KALRN: variants seen among roughly 807,000 people sequenced by gnomAD.
KALRN encodes the protein kalirin.
In KALRN, 70 loss-of-function variants were observed where a neutral mutation model predicts 353.7. The ratio of observed to expected loss-of-function variants is 0.20; its 90% CI spans 0.16 to 0.24. The LOEUF is 0.24. Among genes scored for constraint, KALRN ranks in the 10% least tolerant of loss-of-function variants. The probability of loss-of-function intolerance (pLI) is 1.00; values close to 1 mark genes in which losing one functional copy is unlikely to be tolerated. For missense variants in KALRN, 2,791 were observed against 3,756.7 expected (o/e 0.74, Z 6.72); for synonymous variants, 1,391 against 1,434.8 (o/e 0.97, Z 0.69).
intron 1 of KALRN, chr3:124,163,580 G>A: frequency 1.0e-6 from 1 of 984,478 alleles, no homozygotes; most frequent in Non-Finnish European, 1.2e-6. Flanking sequence ...ATGTTTTGCT[G>A]GACACATAAT....
intron 3 of KALRN, 43 bp downstream of exon 3, chr3:124,234,986 CT>C: frequency 7.0e-7 from 1 of 1,430,902 alleles, no homozygotes; most frequent in Non-Finnish European, 9.7e-7. Context: ...GGGAGGGGAG[CT>C]GGGCTGATGC....
intron 51 of KALRN, among the ~76,000 whole-genome samples, chr3:124,686,162 T>A (rs2061548656): frequency 6.6e-6 from 1 of 152,216 alleles, no homozygotes; most frequent in Non-Finnish European, 1.5e-5. Context: ...ACAGTCATGG[T>A]GAGGGACTGA....
intron 50 of KALRN, 63 bp from the exon 51 acceptor site, chr3:124,679,395 C>A: frequency 7.0e-7 from 1 of 1,435,208 alleles, no homozygotes; most frequent in Non-Finnish European, 9.7e-7. Flanking sequence ...CTCTCTCTAG[C>A]AAAAGCTACT....
chr3:124,487,669 A>G (rs2062709288), intron 28 of KALRN, among the ~76,000 whole-genome samples: 1 of 152,252 alleles, frequency 6.6e-6, no homozygotes, highest in Non-Finnish European at 1.5e-5. Flanking sequence ...CTGGGATGTC[A>G]TAAGCCTATT....
chr3:124,603,555 T>C (rs1200530556), intron 34 of KALRN, among the ~76,000 whole-genome samples: 3 of 152,282 alleles, frequency 2.0e-5, no homozygotes, highest in East Asian at 3.9e-4. Context: ...GTCATGCCAA[T>C]ATGCAGGTGT....
chr3:124,537,532 G>A (rs901533045), intron 33 of KALRN, among the ~76,000 whole-genome samples: 3 of 152,186 alleles, frequency 2.0e-5, no homozygotes, highest in African/African-American at 7.2e-5. Flanking sequence ...TTATGGAGGC[G>A]ATTCGTGAAT....
rs532412524 is a variant in KALRN at position 124,126,497 on chromosome 3, C to T, written c.73+92684C>T. ...GTTTGTGTGTGGTCTCAGGACATCC[C>T]CTGGCCACTCTTCTCCTTTGGGGTG... On this transcript the variant is annotated intron_variant, in intron 1 of 59. Coordinates refer to ENST00000682506, the MANE Select transcript of KALRN (RefSeq NM_001388419.1). 5.3e-4 allele frequency among the ~76,000 whole-genome samples: 81 copies of T among 152,236 alleles called. 2 individuals carry two copies. The highest frequency in any genetic ancestry group is 6.8e-3 in the Middle Eastern group (2 of 294).
At chr3:124,380,521 A>G (rs2087204349) in intron 10 of KALRN, among the ~76,000 whole-genome samples, 1 of 152,196 alleles carries the variant, frequency 6.6e-6, no homozygotes, top group African/African-American at 2.4e-5. Flanking sequence ...TGAGGGATCT[A>G]TACACCAGCA....
At chr3:124,489,396 G>A (rs1322547232) in intron 29 of KALRN, among the ~76,000 whole-genome samples, 2 of 152,078 alleles carry the variant, frequency 1.3e-5, no homozygotes, top group East Asian at 1.9e-4. Flanking sequence ...ATGTAAACAC[G>A]TGGGCTGTTT....
intron 33 of KALRN, among the ~76,000 whole-genome samples, chr3:124,543,003 G>T (rs547780553): frequency 4.6e-5 from 7 of 152,230 alleles, no homozygotes; most frequent in African/African-American, 1.7e-4. Context: ...TTCCAAGGTG[G>T]CTCCCTCACA....
rs756513426 is a variant in KALRN at position 124,434,541 on chromosome 3, G to C, written c.3048+16G>C. On this transcript the variant is annotated intron_variant, in intron 17 of 59. Transcript: ENST00000682506. ...TTCTGAACAGGTGAGGGAAAAGACT[G>C]TGGGGCTTGTGGGGCTGAGATTGCC... 3.7e-6 allele frequency: 6 copies of C among 1,610,572 alleles called. No homozygotes were observed. The African/African-American group carries it at 8.0e-5, about 21-fold the overall frequency.
chr3:124,419,701 A>G (rs910882696), intron 14 of KALRN, among the ~76,000 whole-genome samples: 3 of 152,180 alleles, frequency 2.0e-5, no homozygotes, highest in Admixed American at 1.3e-4. Flanking sequence ...ACCAACCTCA[A>G]TGGAAGTGTT....
chr3:124,313,068 A>G (rs934078733), intron 6 of KALRN, among the ~76,000 whole-genome samples: 3 of 152,336 alleles, frequency 2.0e-5, no homozygotes, highest in African/African-American at 4.8e-5. Context: ...GCATGGCTCC[A>G]GCAGAAGCTG....
chr3:124,318,950 C>G (rs1176883210), intron 6 of KALRN, among the ~76,000 whole-genome samples: 1 of 152,106 alleles, frequency 6.6e-6, no homozygotes, highest in Non-Finnish European at 1.5e-5. Flanking sequence ...GAGATTGTTG[C>G]ATGAACTTGG....
At chr3:124,080,005 T>C in intron 1 of KALRN, 1 of 470,994 alleles carries the variant, frequency 2.1e-6, no homozygotes, top group Non-Finnish European at 4.4e-6. Flanking sequence ...AGAATCCCCA[T>C]AGCATTTCTT....
At chr3:124,302,370 G>T (rs752662492) in intron 6 of KALRN, among the ~76,000 whole-genome samples, 40 of 152,116 alleles carry the variant, frequency 2.6e-4, no homozygotes, top group Non-Finnish European at 5.1e-4. Context: ...TTTAGATGAG[G>T]GGGTGGTCAG....
At chr3:124,685,703 A>G (rs1304702876) in intron 51 of KALRN, among the ~76,000 whole-genome samples, 1 of 152,216 alleles carries the variant, frequency 6.6e-6, no homozygotes, top group Admixed American at 6.5e-5. Flanking sequence ...GAGCCCAGCC[A>G]GAGCAACCAA....
chr3:124,169,965 A>G (rs1677650212), intron 1 of KALRN, among the ~76,000 whole-genome samples: 2 of 152,192 alleles, frequency 1.3e-5, no homozygotes, highest in African/African-American at 2.4e-5. Context: ...GCAGATGCCC[A>G]TTGTTGGATA....
chr3:124,252,167 A>G (rs1248422827), intron 3 of KALRN, among the ~76,000 whole-genome samples: 1 of 152,170 alleles, frequency 6.6e-6, no homozygotes, highest in Non-Finnish European at 1.5e-5. Flanking sequence ...GTGGTACTTA[A>G]CCATGGCTGC....
Sources: gnomAD v4.1 joint callset for allele counts (sites outside exome capture counted in the v4.1 genomes callset) on GRCh38, gnomAD v4.1.1 for gene constraint, MANE v1.5 for transcripts, NCBI Gene and HGNC (gene_info 2026-07-23, HGNC 2026-07-21) for gene names.